DNAJB6: variants seen among roughly 807,000 people sequenced by gnomAD.
DNAJB6 encodes the protein dnaJ homolog subfamily B member 6.
DNAJB6 carries 16 observed loss-of-function variants against 42.7 expected under a neutral mutation model. The observed-to-expected ratio is 0.37, with a 90% CI of 0.25 to 0.57. The LOEUF (loss-of-function observed/expected upper bound fraction) is 0.57. DNAJB6 is among the 20% of genes least tolerant of loss of function. The pLI is 0.74. For synonymous variants in DNAJB6, 170 were observed against 163.5 expected (o/e 1.04, Z -0.30); for missense variants, 347 against 416.8 (o/e 0.83, Z 1.46).
intron 3 of DNAJB6, among the ~76,000 whole-genome samples, chr7:157,364,550 T>C (rs1239790813): frequency 6.6e-6 from 1 of 152,140 alleles, no homozygotes; most frequent in Non-Finnish European, 1.5e-5. Flanking sequence ...CCAAGCACCA[T>C]TGCGCCAGGC....
intron 1 of DNAJB6, among the ~76,000 whole-genome samples, chr7:157,354,046 A>G (rs1185517033): frequency 6.6e-6 from 1 of 152,174 alleles, no homozygotes; most frequent in Non-Finnish European, 1.5e-5. Flanking sequence ...ATTTCAATTT[A>G]ATTCTGAATT....
chr7:157,385,565 A>T lies in DNAJB6; in HGVS notation c.645A>T (p.Arg215Ser). 6.2e-7 allele frequency: 1 copy of T among 1,613,848 alleles called. No homozygotes were observed. The highest frequency in any genetic ancestry group is 8.5e-7 in the Non-Finnish European group (1 of 1,179,844). Residue 215 changes from arginine (R) to serine (S), a missense_variant, in exon 8 of 10, where the codon AGA (arginine) becomes AGT (serine). Transcript: ENST00000262177. ...GAATTGTCGAGAACGGTCAAGAAAG[A>T]GTAGAAGTTGAAGAAGATGGCCAGT... The part of the protein sequence containing the change: ...TKRIVENGQE[R>S]VEVEEDGQLK...
intron 8 of DNAJB6, among the ~76,000 whole-genome samples, chr7:157,391,657 C>T (rs958861711): frequency 3.3e-5 from 5 of 152,232 alleles, no homozygotes; most frequent in Non-Finnish European, 7.3e-5. Flanking sequence ...GGGTCTCAGC[C>T]CAAGTCTTCC....
intron 1 of DNAJB6, among the ~76,000 whole-genome samples, chr7:157,340,218 C>A (rs754672225): frequency 5.9e-5 from 9 of 152,122 alleles, no homozygotes; most frequent in Non-Finnish European, 1.2e-4. Flanking sequence ...TTTTGGAAAC[C>A]TTTTTAAAAC....
intron 1 of DNAJB6, among the ~76,000 whole-genome samples, chr7:157,356,492 T>C (rs1166344229): frequency 6.6e-6 from 1 of 152,232 alleles, no homozygotes; most frequent in Non-Finnish European, 1.5e-5. Context: ...GAATCCTGTA[T>C]GTTGCCATGT....
At chr7:157,372,023 C>T (rs1323655171) in intron 5 of DNAJB6, 1 of 152,252 alleles carries the variant, frequency 6.6e-6, no homozygotes, top group Admixed American at 6.5e-5. Flanking sequence ...AGGAGGAGTC[C>T]TGTGGTATGT....
chr7:157,350,027 G>A (rs931000882), intron 1 of DNAJB6, among the ~76,000 whole-genome samples: 2 of 152,124 alleles, frequency 1.3e-5, no homozygotes, highest in South Asian at 2.1e-4. Flanking sequence ...TAGCTCAAGC[G>A]TTCCCTCATT....
intron 1 of DNAJB6, among the ~76,000 whole-genome samples, chr7:157,340,456 G>A (rs1460329035): frequency 6.6e-6 from 1 of 151,628 alleles, no homozygotes; most frequent in Non-Finnish European, 1.5e-5. Flanking sequence ...GTGAAAACAA[G>A]AATATGTTAG....
At chr7:157,383,965 T>C (rs1800921033) in intron 6 of DNAJB6, among the ~76,000 whole-genome samples, 1 of 152,200 alleles carries the variant, frequency 6.6e-6, no homozygotes, top group Non-Finnish European at 1.5e-5. Flanking sequence ...GTGAAATCAT[T>C]AGAAAAGGTA....
intron 1 of DNAJB6, among the ~76,000 whole-genome samples, chr7:157,355,672 T>C (rs1170318429): frequency 6.6e-6 from 1 of 152,162 alleles, no homozygotes; most frequent in Non-Finnish European, 1.5e-5. Context: ...GTGGAGCGGC[T>C]AAGGGTAAGC....
intron 1 of DNAJB6, chr7:157,337,490 C>A (rs1798105215): frequency 6.6e-6 from 1 of 151,552 alleles, no homozygotes; most frequent in African/African-American, 2.4e-5. Context: ...TGGGGCTCGG[C>A]GGGGCCGGCA....
chr7:157,388,168 T>C (rs551328120), intron 8 of DNAJB6, among the ~76,000 whole-genome samples: 2 of 152,292 alleles, frequency 1.3e-5, no homozygotes, highest in Admixed American at 1.3e-4. Flanking sequence ...TTTATTCTGT[T>C]CTTCCATTGA....
intron 1 of DNAJB6, among the ~76,000 whole-genome samples, chr7:157,347,293 G>A (rs1422777670): frequency 6.6e-6 from 1 of 152,246 alleles, no homozygotes; most frequent in Non-Finnish European, 1.5e-5. Flanking sequence ...ATGTCCCATA[G>A]CCTTGAGGGT....
At chr7:157,355,497 G>A (rs1477445254) in intron 1 of DNAJB6, among the ~76,000 whole-genome samples, 1 of 152,208 alleles carries the variant, frequency 6.6e-6, no homozygotes, top group Non-Finnish European at 1.5e-5. Context: ...CAGTGGAGGG[G>A]TGAAAGCTGG....
intron 5 of DNAJB6, among the ~76,000 whole-genome samples, chr7:157,377,457 T>C (rs952963100): frequency 6.6e-6 from 1 of 152,204 alleles, no homozygotes; most frequent in Non-Finnish European, 1.5e-5. Flanking sequence ...CATACATGTT[T>C]TGCTTTGCAG....
chr7:157,349,341 C>G (rs1305015670), intron 1 of DNAJB6, among the ~76,000 whole-genome samples: 1 of 152,192 alleles, frequency 6.6e-6, no homozygotes, highest in African/African-American at 2.4e-5. Flanking sequence ...GATTGGTTGA[C>G]TAATGGGGCC....
chr7:157,369,012 C>T (rs1799980163), intron 5 of DNAJB6: 3 of 356,006 alleles, frequency 8.4e-6, no homozygotes, highest in East Asian at 7.5e-5. Context: ...AGAGGTTGTT[C>T]TTACACCTTA....
intron 5 of DNAJB6, among the ~76,000 whole-genome samples, chr7:157,368,285 A>C (rs538695403): frequency 1.3e-5 from 2 of 152,240 alleles, no homozygotes; most frequent in Admixed American, 1.3e-4. Context: ...TGGTAAGGGC[A>C]TGGGTGCGAG....
intron 1 of DNAJB6, among the ~76,000 whole-genome samples, chr7:157,339,196 C>T (rs1460104229): frequency 6.7e-6 from 1 of 150,230 alleles, no homozygotes; most frequent in African/African-American, 2.4e-5. Flanking sequence ...CTGTTTTGGA[C>T]AGTGGTACCC....
Sources: gnomAD v4.1 joint callset for allele counts (sites outside exome capture counted in the v4.1 genomes callset) on GRCh38, gnomAD v4.1.1 for gene constraint, MANE v1.5 for transcripts, NCBI Gene and HGNC (gene_info 2026-07-23, HGNC 2026-07-21) for gene names.